Variants in BAG6 observed in about 807,000 individuals in gnomAD.
BAG6 encodes BAG cochaperone 6, also known as large proline-rich protein BAG6.
A neutral mutation model predicts 121.0 loss-of-function variants in BAG6; 22 were observed. That is an observed-to-expected ratio of 0.18 (90% CI 0.13 to 0.26). The LOEUF (loss-of-function observed/expected upper bound fraction) is 0.26. BAG6 is among the 10% of genes least tolerant of loss of function. The pLI is 1.00. For synonymous variants in BAG6, 583 were observed against 584.6 expected, an observed-to-expected ratio of 1.00 and a Z score of 0.04; for missense variants, 1,233 against 1,537.7, an observed-to-expected ratio of 0.80 and a Z score of 3.31.
At chr6:31,649,776 C>G (rs552170229) in intron 2 of BAG6, 149 bp from the exon 3 acceptor site, 828 of 702,838 alleles carry the variant, frequency 1.2e-3, no homozygotes, top group Non-Finnish European at 1.5e-3. Flanking sequence ...CTGTGCAAAC[C>G]CTTAAACTAA....
Position 31,644,817 on chromosome 6 carries a change from T to G in BAG6, c.1369+129A>C. 6.9e-7 allele frequency: 1 copy of G among 1,449,102 alleles called. No individual in the cohort carries two copies. The highest frequency in any genetic ancestry group is 9.4e-7 in the Non-Finnish European group (1 of 1,068,276). The allele number at this position is 1,449,102 out of a possible 1,614,324, so 89.8% of individuals were successfully genotyped here. On this transcript the variant is annotated intron_variant, in intron 10 of 25. Coordinates refer to ENST00000676615, the MANE Select transcript of BAG6 (RefSeq NM_001387994.1). The surrounding 1 kb of genome is among the most constrained non-coding windows in gnomAD (Gnocchi z 4.9). ...ACCCCCCACATCTGTCTACTTAAGC[T>G]TCTGCTCTGGTCCCCAGGCTACCAC...
Position 31,642,416 on chromosome 6 carries a change from G to T in BAG6, c.2044-13C>A, listed in dbSNP as rs112889368. 10 of 292,966 alleles carry T rather than the reference G, an allele frequency of 3.4e-5. No individual in the cohort carries two copies. Among genetic ancestry groups the T allele is most frequent in the Non-Finnish European group, 4.5e-5 (9 of 199,628 alleles). 18.1% of individuals were successfully genotyped at this position (292,966 alleles called of 1,614,324 possible). On this transcript the variant is annotated splice_polypyrimidine_tract_variant and intron_variant, in intron 15 of 25. Coordinates refer to ENST00000676615, the MANE Select transcript of BAG6 (RefSeq NM_001387994.1). ...CTGTCTGTGTTGCCTGGCAAATAAAGAAAGAACAAAGAACAGAAAGTGAGG... is the reference window on the plus strand; with the variant it reads ...CTGTCTGTGTTGCCTGGCAAATAAATAAAGAACAAAGAACAGAAAGTGAGG...
At chr6:31,649,475 C>T (rs751402926) in intron 3 of BAG6, 35 bp downstream of exon 3, 1 of 1,612,730 alleles carries the variant, frequency 6.2e-7, no homozygotes, top group Admixed American at 1.7e-5. Flanking sequence ...CAGACAGTAG[C>T]CCCAACCTCT....
Position 31,642,410 on chromosome 6 carries a change from A to T in BAG6, c.2044-7T>A, listed in dbSNP as rs1411770318. 2 of 983,562 alleles carry T rather than the reference A, an allele frequency of 2.0e-6. No individual in the cohort carries two copies. The highest frequency in any genetic ancestry group is 3.0e-6 in the Non-Finnish European group (2 of 666,780). The allele number at this position is 983,562 out of a possible 1,614,324, so 60.9% of individuals were successfully genotyped here. ...GAGGGGCTGTCTGTGTTGCCTGGCAAATAAAGAAAGAACAAAGAACAGAAA... is the reference window on the plus strand; with the variant it reads ...GAGGGGCTGTCTGTGTTGCCTGGCATATAAAGAAAGAACAAAGAACAGAAA... On this transcript the variant is annotated splice_polypyrimidine_tract_variant and splice_region_variant and intron_variant, in intron 15 of 25. Transcript: ENST00000676615.
At position 31,645,605 on chromosome 6, in the gene BAG6, C is replaced by T. The variant is rs759188464; in HGVS notation, c.919-1G>A. ...GCTGATCCTCCTCCCGGCCCTCGTG[C>T]TGCGCACAACCAGCCAAACACAAAA... is the stretch of plus-strand genomic sequence containing the variant. On this transcript the variant is annotated splice_acceptor_variant, in intron 8 of 25. Coordinates refer to ENST00000676615, the MANE Select transcript of BAG6 (RefSeq NM_001387994.1). LOFTEE classifies it high-confidence loss of function. 1 of 1,612,780 alleles carries T rather than the reference C, an allele frequency of 6.2e-7. No individual in the cohort carries two copies. The highest frequency in any genetic ancestry group is 8.5e-7 in the Non-Finnish European group (1 of 1,179,946).
Position 31,641,528 on chromosome 6 carries a change from G to T in BAG6, c.2559+11C>A. 6.2e-7 allele frequency: 1 copy of T among 1,614,110 alleles called. No individual in the cohort carries two copies. On this transcript the variant is annotated intron_variant, in intron 18 of 25. Coordinates refer to ENST00000676615, the MANE Select transcript of BAG6 (RefSeq NM_001387994.1). The surrounding 1 kb of genome is among the most constrained non-coding windows in gnomAD (Gnocchi z 5.7). ...CCCAGGAGAGGAAAGGAATAGAGAA[G>T]GGTTACTCACAAAACTCTCCCGCAC...
rs776441389 is a variant in BAG6, at chr6:31,640,519, C to G, written c.3004G>C (p.Ala1002Pro). The G allele has an allele frequency of 6.2e-7, 1 of 1,612,874 alleles. No individual in the cohort carries two copies. Among genetic ancestry groups the G allele is most frequent in the Non-Finnish European group, 8.5e-7 (1 of 1,180,006 alleles). Reference sequence around the variant, plus strand: ...GCTGTTGTTCCAGGGGCTGGGGAAGCATTCTCCCGCTGGGTGTCAGATGGC... The same window carrying G: ...GCTGTTGTTCCAGGGGCTGGGGAAGGATTCTCCCGCTGGGTGTCAGATGGC... ...RASPEPQREN[A>P]SPAPGTTAEE... The change falls in exon 23 of 26, where the codon GCT becomes CCT. Residue 1002 changes from alanine (A) to proline (P), a missense_variant. By Grantham distance (27) the Ala-to-Pro change is conservative. Around this residue, in one of 7 missense-constraint regions of BAG6, gnomAD observed 288 missense variants for 483.1 expected, o/e 0.60. Transcript: ENST00000676615. The surrounding 1 kb of genome is among the most constrained non-coding windows in gnomAD (Gnocchi z 4.2).
Position 31,649,319 on chromosome 6 carries a change from C to A in BAG6, c.303G>T (p.Gly101=). 6.2e-7 allele frequency: 1 copy of A among 1,613,324 alleles called. No individual in the cohort carries two copies. The highest frequency in any genetic ancestry group is 8.5e-7 in the Non-Finnish European group (1 of 1,179,860). Residue 101 remains glycine (G), a synonymous_variant, in exon 4 of 26, where the codon GGG becomes GGT. Coordinates refer to ENST00000676615, the MANE Select transcript of BAG6 (RefSeq NM_001387994.1). ...CATGAGTGGCTGAGGCAGACCCCGTCCCAGAAGATGCCCCAGAAGGGAGGT... is the reference window on the plus strand; with the variant it reads ...CATGAGTGGCTGAGGCAGACCCCGTACCAGAAGATGCCCCAGAAGGGAGGT... The part of the protein sequence containing the change: ...QTHLPSGASS[G]TGSASATHGG...
In BAG6 at chr6:31,651,647, G is replaced by A; in HGVS notation, c.108+9C>T. On this transcript the variant is annotated intron_variant, in intron 2 of 25. Transcript: ENST00000676615. ...AAAGGTGTCTTCCAGAACTAGTGAG[G>A]TGTCTCACCTGGGCCCCCACAATAA... 1 of 1,610,918 alleles carries A rather than the reference G, an allele frequency of 6.2e-7. No individual in the cohort carries two copies. The highest frequency in any genetic ancestry group is 8.5e-7 in the Non-Finnish European group (1 of 1,178,042).
Position 31,640,357 on chromosome 6 carries a change from AC to A in BAG6, c.3138+27del. The A allele has an allele frequency of 6.2e-7, 1 of 1,614,132 alleles. No individual in the cohort carries two copies. The highest frequency in any genetic ancestry group is 8.5e-7 in the Non-Finnish European group (1 of 1,180,000). On this transcript the variant is annotated intron_variant, in intron 23 of 25. Transcript: ENST00000676615. The surrounding 1 kb of genome is among the most constrained non-coding windows in gnomAD (Gnocchi z 4.2). ...ATGTCCTTGACTTTCAGCTGCCATG[AC>A]CCACTGGATTACTTCCTGACACTTA...
At position 31,641,301 on chromosome 6, in the gene BAG6, C is replaced by A; in HGVS notation, c.2662+19G>T. 6.2e-7 allele frequency: 1 copy of A among 1,613,856 alleles called. No homozygotes were observed. Among genetic ancestry groups the A allele is most frequent in the Non-Finnish European group, 8.5e-7 (1 of 1,179,744 alleles). On this transcript the variant is annotated intron_variant, in intron 19 of 25. Transcript: ENST00000676615. This position sits in a 1 kb window ranked among gnomAD's most constrained non-coding sequence, Gnocchi z 5.7. ...ACATGCAACAGGCCCCACTTGCCCCCGCCTGGCCAGCCCCTGACCTGTGCA... is the reference window on the plus strand; with the variant it reads ...ACATGCAACAGGCCCCACTTGCCCCAGCCTGGCCAGCCCCTGACCTGTGCA...
rs775849384 is a variant in BAG6, at chr6:31,641,311, G to C, written c.2662+9C>G. 77 of 1,614,010 alleles carry C rather than the reference G, an allele frequency of 4.8e-5. No individual in the cohort carries two copies. Among genetic ancestry groups the C allele is most frequent in the Admixed American group, 6.7e-5 (4 of 60,012 alleles). On this transcript the variant is annotated intron_variant, in intron 19 of 25. Coordinates refer to ENST00000676615, the MANE Select transcript of BAG6 (RefSeq NM_001387994.1). The surrounding 1 kb of genome is among the most constrained non-coding windows in gnomAD (Gnocchi z 5.7). ...GGCCCCACTTGCCCCCGCCTGGCCAGCCCCTGACCTGTGCAATGCAGCACA... is the reference window on the plus strand; with the variant it reads ...GGCCCCACTTGCCCCCGCCTGGCCACCCCCTGACCTGTGCAATGCAGCACA...
rs747053584 is a variant in BAG6, at chr6:31,648,735, C to A, written c.494G>T (p.Arg165Leu). The change falls in exon 6 of 26, where the codon CGG (arginine) becomes CTG (leucine). Residue 165 changes from arginine to leucine, a missense_variant. Physicochemically the swap from Arg to Leu is moderately radical, Grantham distance 102 (BLOSUM62 -2). Around this residue, in one of 7 missense-constraint regions of BAG6, gnomAD observed 777 missense variants for 861.4 expected, o/e 0.90. Transcript: ENST00000676615. ...QAPIQSEPRV[R>L]LVMAQHMIRD... ...GATCATGTGCTGAGCCATCACCAGC[C>A]GTACCCGGGGCTCACTCTACAATGA... 1 of 1,614,054 alleles carries A rather than the reference C, an allele frequency of 6.2e-7. No homozygotes were observed. The highest frequency in any genetic ancestry group is 1.3e-5 in the African/African-American group (1 of 74,998).
Position 31,644,385 on chromosome 6 carries a change from G to C in BAG6, c.1477C>G (p.Pro493Ala), listed in dbSNP as rs1459519448. ...GCGACGGCGTGCATGAACTCAGGGGGCAGGGAGGGCAGCTGGATGAGGGTG... is the reference window on the plus strand; with the variant it reads ...GCGACGGCGTGCATGAACTCAGGGGCCAGGGAGGGCAGCTGGATGAGGGTG... ...GSTLIQLPSL[P>A]PEFMHAVAHQ... Residue 493 changes from proline (P) to alanine (A), a missense_variant, in exon 12 of 26, where the codon CCC becomes GCC. Coordinates refer to ENST00000676615, the MANE Select transcript of BAG6 (RefSeq NM_001387994.1). This position sits in a 1 kb window ranked among gnomAD's most constrained non-coding sequence, Gnocchi z 4.9. 1 of 1,551,766 alleles carries C rather than the reference G, an allele frequency of 6.4e-7. No individual in the cohort carries two copies. The highest frequency in any genetic ancestry group is 2.4e-5 in the East Asian group (1 of 40,982).
intron 1 of BAG6, chr6:31,652,101 C>T (rs991724518): frequency 4.1e-6 from 1 of 244,716 alleles, no homozygotes. Context: ...GGACAAGCGC[C>T]CCAGAGGTCG....
chr6:31,651,799 A>C (rs3117583), intron 1 of BAG6, 23 bp from the exon 2 acceptor site: 1 of 1,590,716 alleles, frequency 6.3e-7, no homozygotes, highest in African/African-American at 1.3e-5. Context: ...GAAGGAAGGA[A>C]GGCCCGCTGT....
At chr6:31,647,975 C>A in intron 6 of BAG6, 149 bp from the exon 7 acceptor site, 9 of 1,037,324 alleles carry the variant, frequency 8.7e-6, no homozygotes, top group Non-Finnish European at 1.2e-5. Flanking sequence ...TAGCAACTAG[C>A]ATAAGACTGA....
Position 31,640,308 on chromosome 6 carries a change from T to C in BAG6, c.3139-2A>G. 6.2e-7 allele frequency: 1 copy of C among 1,614,204 alleles called. No individual in the cohort carries two copies. Among genetic ancestry groups the C allele is most frequent in the Non-Finnish European group, 8.5e-7 (1 of 1,180,026 alleles). ...CTGCTGGATAATAGGGACCCATTCC[T>C]GGGGAGGAAAAGAGAAAATAGTAAT... On this transcript the variant is annotated splice_acceptor_variant, in intron 23 of 25. Coordinates refer to ENST00000676615, the MANE Select transcript of BAG6 (RefSeq NM_001387994.1). LOFTEE classifies it high-confidence loss of function. The surrounding 1 kb of genome is among the most constrained non-coding windows in gnomAD (Gnocchi z 4.2).
chr6:31,650,355 C>T (rs1186107298), intron 2 of BAG6, among the ~76,000 whole-genome samples: 1 of 151,846 alleles, frequency 6.6e-6, no homozygotes, highest in Non-Finnish European at 1.5e-5. Flanking sequence ...TGAAGAAAGA[C>T]TAAGAAGATA....
Sources: allele counts gnomAD v4.1 joint callset (sites outside exome capture counted in the v4.1 genomes callset), GRCh38; gene constraint gnomAD v4.1.1; regional missense constraint gnomAD v4.1.1; non-coding constraint Gnocchi (gnomAD v3.1); transcripts MANE v1.5; gene names NCBI Gene and HGNC (gene_info 2026-07-23, HGNC 2026-07-21).